Variants in CADM2 observed in about 807,000 individuals in gnomAD.
The protein encoded by CADM2 is cell adhesion molecule 2.
A neutral mutation model predicts 49.8 loss-of-function variants in CADM2; 12 were observed. The ratio of observed to expected loss-of-function variants is 0.24; its 90% CI spans 0.15 to 0.39. The LOEUF is 0.39. Among genes scored for constraint, CADM2 ranks in the 10% least tolerant of loss-of-function variants. The pLI, the probability that CADM2 is intolerant of heterozygous loss-of-function variation, is 1.00. For synonymous variants in CADM2, 214 were observed against 175.4 expected (o/e 1.22, Z -1.74); for missense variants, 378 against 492.3 (o/e 0.77, Z 2.20).
intron 6 of CADM2, among the ~76,000 whole-genome samples, chr3:85,917,791 T>G (rs1718560555): frequency 6.6e-6 from 1 of 152,226 alleles, no homozygotes; most frequent in South Asian, 2.1e-4. Flanking sequence ...TGATTCTTCC[T>G]GTTTATGAGC....
At chr3:85,136,585 A>G (rs1254106375) in intron 1 of CADM2, among the ~76,000 whole-genome samples, 7 of 152,036 alleles carry the variant, frequency 4.6e-5, no homozygotes, top group Admixed American at 4.6e-4. Flanking sequence ...CACATACATT[A>G]TGATTTTGCC....
chr3:85,175,859 C>T (rs1409193006), intron 1 of CADM2, among the ~76,000 whole-genome samples: 2 of 149,782 alleles, frequency 1.3e-5, no homozygotes, highest in South Asian at 2.1e-4. Flanking sequence ...AAAAAATGTG[C>T]GTCACATCCA....
chr3:85,356,806 C>T lies in CADM2; in HGVS notation c.62-369716C>T, dbSNP rs574697475. ...AAGACTTTGAAAAAGAGCTGTAAAG[C>T]AGCACCTGGAAGTTTTTATTTATAA... On this transcript the variant is annotated intron_variant, in intron 1 of 9. Coordinates refer to ENST00000383699, the MANE Select transcript of CADM2 (RefSeq NM_001167675.2). Among the ~76,000 whole-genome samples, 8 of 152,208 alleles carry T rather than the reference C, an allele frequency of 5.3e-5. No individual in the cohort carries two copies. The South Asian group carries it at 1.7e-3, about 32-fold the overall frequency.
chr3:85,963,910 T>A (rs1725154065), intron 8 of CADM2, among the ~76,000 whole-genome samples: 1 of 151,882 alleles, frequency 6.6e-6, no homozygotes, highest in African/African-American at 2.4e-5. Flanking sequence ...GCTAGATAAA[T>A]GCTGTGAAGT....
chr3:85,115,102 A>C (rs1477274212), intron 1 of CADM2, among the ~76,000 whole-genome samples: 1 of 152,202 alleles, frequency 6.6e-6, no homozygotes, highest in Non-Finnish European at 1.5e-5. Flanking sequence ...TGATGATTTA[A>C]TAGCCAATTT....
At chr3:85,835,805 T>C (rs1376831764) in intron 3 of CADM2, among the ~76,000 whole-genome samples, 2 of 149,306 alleles carry the variant, frequency 1.3e-5, no homozygotes, top group African/African-American at 4.9e-5. Flanking sequence ...AGACTCAGTA[T>C]AGACTGATTT....
chr3:85,620,346 AT>A (rs1200504397), intron 1 of CADM2, among the ~76,000 whole-genome samples: 2 of 152,114 alleles, frequency 1.3e-5, no homozygotes, highest in Non-Finnish European at 2.9e-5. Flanking sequence ...TTTATATAAA[AT>A]TCTTAGAGCA....
intron 1 of CADM2, among the ~76,000 whole-genome samples, chr3:85,280,131 A>G (rs1267056473): frequency 6.6e-6 from 1 of 151,684 alleles, no homozygotes; most frequent in Non-Finnish European, 1.5e-5. Flanking sequence ...TAAGCTGATA[A>G]CAACTTAACT....
intron 1 of CADM2, among the ~76,000 whole-genome samples, chr3:85,500,112 G>T (rs2040054680): frequency 6.6e-6 from 1 of 152,096 alleles, no homozygotes; most frequent in Non-Finnish European, 1.5e-5. Flanking sequence ...GCATTTATTT[G>T]TGTATTGCCA....
intron 6 of CADM2, among the ~76,000 whole-genome samples, chr3:85,929,622 A>T (rs556375379): frequency 6.6e-6 from 1 of 152,066 alleles, no homozygotes; most frequent in East Asian, 1.9e-4. Context: ...TCATTTTGAT[A>T]TGTAACAAAA....
chr3:85,563,411 T>TGGGGGGGGG lies in CADM2; in HGVS notation c.62-163104_62-163103insGGGGGGGGG, dbSNP rs60602469. ...AAAACAGGGAATTTTTGTGTGTGTG[T>TGGGGGGGGG]GGGGGGGTGGTAATTTAGCTAAAAT... On this transcript the variant is annotated intron_variant, in intron 1 of 9. Coordinates refer to ENST00000383699, the MANE Select transcript of CADM2 (RefSeq NM_001167675.2). Among the ~76,000 whole-genome samples the TGGGGGGGGG allele has an allele frequency of 4.9e-5, 7 of 142,032 alleles. 1 individual carries two copies. Among genetic ancestry groups the TGGGGGGGGG allele is most frequent in the Non-Finnish European group, 7.8e-5 (5 of 64,284 alleles). The allele number at this position is 142,032 out of a possible 152,430, so 93.2% of individuals were successfully genotyped here.
chr3:85,584,478 T>C (rs1233431920), intron 1 of CADM2, among the ~76,000 whole-genome samples: 1 of 152,098 alleles, frequency 6.6e-6, no homozygotes, highest in Non-Finnish European at 1.5e-5. Flanking sequence ...GTTTTATTTG[T>C]TTATAAATAT....
At chr3:85,624,951 A>G (rs2064081155) in intron 1 of CADM2, among the ~76,000 whole-genome samples, 1 of 152,098 alleles carries the variant, frequency 6.6e-6, no homozygotes, top group Non-Finnish European at 1.5e-5. Flanking sequence ...GAGTCTCATG[A>G]GAGATAGATG....
chr3:86,042,110 C>A (rs1736020199), intron 8 of CADM2, among the ~76,000 whole-genome samples: 1 of 152,088 alleles, frequency 6.6e-6, no homozygotes, highest in Admixed American at 6.5e-5. Flanking sequence ...GCACTAAATG[C>A]CCACAGGAGA....
intron 2 of CADM2, among the ~76,000 whole-genome samples, chr3:85,731,814 CAA>C (rs1003672017): frequency 3.3e-5 from 5 of 151,710 alleles, no homozygotes; most frequent in African/African-American, 1.2e-4. Flanking sequence ...AAAATTATGA[CAA>C]AGAGAGGCTT....
chr3:85,507,138 G>A (rs1027496842), intron 1 of CADM2, among the ~76,000 whole-genome samples: 2 of 149,178 alleles, frequency 1.3e-5, no homozygotes, highest in African/African-American at 4.9e-5. Flanking sequence ...GAATCCATAT[G>A]TACTTATTAT....
chr3:85,552,088 G>T (rs2061817131), intron 1 of CADM2, among the ~76,000 whole-genome samples: 1 of 152,004 alleles, frequency 6.6e-6, no homozygotes, highest in Non-Finnish European at 1.5e-5. Flanking sequence ...TAGAAAAGGG[G>T]CCTGGCTAAA....
intron 1 of CADM2, among the ~76,000 whole-genome samples, chr3:85,397,557 A>T (rs1219292673): frequency 6.6e-6 from 1 of 152,224 alleles, no homozygotes; most frequent in Non-Finnish European, 1.5e-5. Context: ...CTTAAAAAGG[A>T]ATGGAGTTCT....
chr3:85,396,504 C>T (rs1219263508), intron 1 of CADM2, among the ~76,000 whole-genome samples: 1 of 151,848 alleles, frequency 6.6e-6, no homozygotes, highest in African/African-American at 2.4e-5. Context: ...ATTGCAGCAA[C>T]AAATCCTGCA....
Sources: gnomAD v4.1 joint callset for allele counts (sites outside exome capture counted in the v4.1 genomes callset) on GRCh38, gnomAD v4.1.1 for gene constraint, MANE v1.5 for transcripts, NCBI Gene and HGNC (gene_info 2026-07-23, HGNC 2026-07-21) for gene names.